The following CTNND2 variants were observed in gnomAD, a reference collection of about 807,000 sequenced individuals.
CTNND2 encodes catenin delta-2.
CTNND2 carries 22 observed loss-of-function variants against 144.4 expected under a neutral mutation model. The observed-to-expected ratio is 0.15, with a 90% CI of 0.11 to 0.22. The LOEUF is 0.22. Ranked by LOEUF, CTNND2 falls within the 10% of genes least tolerant of loss-of-function variation. The pLI, the probability that CTNND2 is intolerant of heterozygous loss-of-function variation, is 1.00. For missense variants in CTNND2, 1,353 were observed against 1,618.8 expected, an observed-to-expected ratio of 0.84 and a Z score of 2.82; for synonymous variants, 751 against 695.6, an observed-to-expected ratio of 1.08 and a Z score of -1.25.
At chr5:11,573,455 A>T (rs1197568026) in intron 2 of CTNND2, among the ~76,000 whole-genome samples, 1 of 152,142 alleles carries the variant, frequency 6.6e-6, no homozygotes. Context: ...CCCCACTGAA[A>T]CATGTTGCCA....
intron 2 of CTNND2, among the ~76,000 whole-genome samples, chr5:11,630,336 G>C (rs74667301): frequency 0.02 from 3,062 of 152,250 alleles, 105 homozygotes; most frequent in African/African-American, 0.07. Context: ...AGGACACTGG[G>C]CAACATGCAG....
rs80092548 is a variant in CTNND2 at position 11,292,389 on chromosome 5, A to G, written c.1628+53983T>C. Among the ~76,000 whole-genome samples the G allele has an allele frequency of 6.6e-3, 1,009 of 152,168 alleles. 8 individuals carry two copies. The highest frequency in any genetic ancestry group is 0.02 in the Middle Eastern group (6 of 294). ...CTAAAAGGAGGGAATTTGGGCCCAG[A>G]TATTGATATGGTTTGGCTTTGTGTC... On this transcript the variant is annotated intron_variant, in intron 9 of 21. Coordinates refer to ENST00000304623, the MANE Select transcript of CTNND2 (RefSeq NM_001332.4).
chr5:11,271,042 A>G (rs1409994534), intron 9 of CTNND2, among the ~76,000 whole-genome samples: 2 of 152,230 alleles, frequency 1.3e-5, no homozygotes, highest in East Asian at 3.8e-4. Flanking sequence ...ATAATGAGCC[A>G]CAATATAAAA....
intron 11 of CTNND2, among the ~76,000 whole-genome samples, chr5:11,179,520 T>G (rs1407867207): frequency 6.6e-6 from 1 of 152,140 alleles, no homozygotes; most frequent in Admixed American, 6.5e-5. Context: ...ATGCCTGGAC[T>G]AAATATACAT....
chr5:11,231,943 C>T (rs1382088674), intron 10 of CTNND2, among the ~76,000 whole-genome samples: 1 of 152,256 alleles, frequency 6.6e-6, no homozygotes, highest in Non-Finnish European at 1.5e-5. Flanking sequence ...GTCCCAGATG[C>T]TTTGGCTCCA....
At chr5:11,003,223 G>A (rs1203155743) in intron 18 of CTNND2, among the ~76,000 whole-genome samples, 1 of 152,010 alleles carries the variant, frequency 6.6e-6, no homozygotes, top group Non-Finnish European at 1.5e-5. Context: ...GAAAAGTGTG[G>A]CAAAAATCTG....
At chr5:11,568,910 T>C (rs755884423) in intron 2 of CTNND2, among the ~76,000 whole-genome samples, 1 of 152,208 alleles carries the variant, frequency 6.6e-6, no homozygotes, top group African/African-American at 2.4e-5. Flanking sequence ...ATATATTTAC[T>C]GAAACTTGTA....
At chr5:11,079,307 G>A (rs761488366) in intron 16 of CTNND2, among the ~76,000 whole-genome samples, 1 of 124,084 alleles carries the variant, frequency 8.1e-6, no homozygotes, top group Non-Finnish European at 1.6e-5. Context: ...CTTCTGCTGA[G>A]CCTCTGGATG....
At position 11,770,903 on chromosome 5, in the gene CTNND2, A is replaced by AG. The variant is rs959635806; in HGVS notation, c.38-38632dup. 3.8e-4 allele frequency among the ~76,000 whole-genome samples: 58 copies of AG among 152,002 alleles called. 1 individual carries two copies. The highest frequency in any genetic ancestry group is 3.4e-3 in the Admixed American group (52 of 15,250). The stretch of plus-strand genomic sequence containing the variant: ...TGAACACAGTAGGTGCCCAAAAAGG[A>AG]GGGGGGGACTAGTTTCAGTTGCTTT... On this transcript the variant is annotated intron_variant, in intron 1 of 21. Coordinates refer to ENST00000304623, the MANE Select transcript of CTNND2 (RefSeq NM_001332.4).
At chr5:11,154,202 A>G (rs1414323012) in intron 12 of CTNND2, among the ~76,000 whole-genome samples, 3 of 152,226 alleles carry the variant, frequency 2.0e-5, no homozygotes, top group Non-Finnish European at 4.4e-5. Context: ...CTGGCTGTCC[A>G]TAGTGTCAGA....
intron 6 of CTNND2, among the ~76,000 whole-genome samples, chr5:11,394,066 T>A (rs966034150): frequency 1.3e-5 from 2 of 152,098 alleles, no homozygotes; most frequent in Non-Finnish European, 2.9e-5. Context: ...CTTCCTCTTC[T>A]CCATGTCTTT....
chr5:11,260,815 C>A (rs1475533905), intron 9 of CTNND2, among the ~76,000 whole-genome samples: 1 of 152,082 alleles, frequency 6.6e-6, no homozygotes, highest in East Asian at 1.9e-4. Context: ...CAAGGACAAC[C>A]ATCTTATTGG....
At chr5:10,981,146 C>T (rs1737192381) in intron 21 of CTNND2, among the ~76,000 whole-genome samples, 1 of 152,176 alleles carries the variant, frequency 6.6e-6, no homozygotes, top group Non-Finnish European at 1.5e-5. Context: ...AACTGTGCTG[C>T]AGAAAATCTT....
At chr5:11,502,764 C>T (rs1378472561) in intron 3 of CTNND2, among the ~76,000 whole-genome samples, 1 of 152,152 alleles carries the variant, frequency 6.6e-6, no homozygotes, top group East Asian at 1.9e-4. Context: ...AACCCTTCCC[C>T]TGTGACTTCT....
chr5:11,846,849 A>T (rs79042800), intron 1 of CTNND2, among the ~76,000 whole-genome samples: 2,149 of 152,070 alleles, frequency 0.014, 53 homozygotes, highest in African/African-American at 0.05. Flanking sequence ...AAAAAAATCA[A>T]CATCACTAAT....
At chr5:11,590,715 T>C (rs1402192875) in intron 2 of CTNND2, among the ~76,000 whole-genome samples, 1 of 152,140 alleles carries the variant, frequency 6.6e-6, no homozygotes, top group Non-Finnish European at 1.5e-5. Flanking sequence ...CTTTGTATGA[T>C]ACATCCTCCC....
intron 3 of CTNND2, among the ~76,000 whole-genome samples, chr5:11,558,655 C>A (rs1216906689): frequency 6.6e-6 from 1 of 152,100 alleles, no homozygotes; most frequent in African/African-American, 2.4e-5. Context: ...CAGGTGTAAG[C>A]CACTGGCCTG....
chr5:11,701,198 T>C (rs1785417022), intron 2 of CTNND2, among the ~76,000 whole-genome samples: 1 of 152,136 alleles, frequency 6.6e-6, no homozygotes, highest in African/African-American at 2.4e-5. Context: ...GCTTTCTGAG[T>C]ATGTATTTCT....
intron 14 of CTNND2, among the ~76,000 whole-genome samples, chr5:11,103,433 G>A (rs1752114934): frequency 6.6e-6 from 1 of 152,076 alleles, no homozygotes; most frequent in African/African-American, 2.4e-5. Flanking sequence ...CACTTTGGGA[G>A]GCTGAGGCAG....
Sources: gnomAD v4.1 joint callset for allele counts (sites outside exome capture counted in the v4.1 genomes callset) on GRCh38, gnomAD v4.1.1 for gene constraint, MANE v1.5 for transcripts, NCBI Gene and HGNC (gene_info 2026-07-23, HGNC 2026-07-21) for gene names.